DNAH11: variants seen among roughly 807,000 people sequenced by gnomAD.
DNAH11 encodes the protein axonemal beta dynein heavy chain 11.
A neutral mutation model predicts 526.0 loss-of-function variants in DNAH11; 442 were observed. The observed-to-expected ratio is 0.84, with a 90% CI of 0.78 to 0.91. DNAH11 has a LOEUF of 0.91. Ranked by LOEUF, DNAH11 falls within the 40% of genes least tolerant of loss-of-function variation. DNAH11 has a pLI of 0.00. For missense variants in DNAH11, 6,989 were observed against 5,448.7 expected, an observed-to-expected ratio of 1.28 and a Z score of -8.90; for synonymous variants, 2,461 against 1,935.9, an observed-to-expected ratio of 1.27 and a Z score of -7.12.
chr7:21,637,042 T>C (rs1786895867), intron 26 of DNAH11, among the ~76,000 whole-genome samples: 1 of 152,224 alleles, frequency 6.6e-6, no homozygotes, highest in South Asian at 2.1e-4. Flanking sequence ...AAAGGTTTTT[T>C]CTTTCTACCT....
chr7:21,704,419 T>C lies in DNAH11; in HGVS notation c.6274-15T>C. 14 of 1,599,102 alleles carry C rather than the reference T, an allele frequency of 8.8e-6. No individual in the cohort carries two copies. Among genetic ancestry groups the C allele is most frequent in the East Asian group, 4.5e-5 (2 of 44,572 alleles). The stretch of plus-strand genomic sequence containing the variant: ...ACCTTGTATTGGCTTTTTTATAAAA[T>C]GTTTTTTTTTCTAGGTACTCATGAG... On this transcript the variant is annotated splice_polypyrimidine_tract_variant and intron_variant, in intron 37 of 81. Coordinates refer to ENST00000409508, the MANE Select transcript of DNAH11 (RefSeq NM_001277115.2).
intron 25 of DNAH11, among the ~76,000 whole-genome samples, chr7:21,620,999 G>A (rs373590613): frequency 1.1e-3 from 168 of 151,962 alleles, no homozygotes; most frequent in African/African-American, 1.6e-3. Flanking sequence ...AGTCTTTGCT[G>A]TTGTGAATAG....
chr7:21,682,413 C>T (rs58623918), intron 31 of DNAH11, among the ~76,000 whole-genome samples: 6,493 of 151,250 alleles, frequency 0.043, 209 homozygotes, highest in East Asian at 0.14. Flanking sequence ...GTAGTCCCAG[C>T]TACTTGGGAG....
At chr7:21,703,264 C>A (rs1458037504) in intron 37 of DNAH11, among the ~76,000 whole-genome samples, 1 of 152,134 alleles carries the variant, frequency 6.6e-6, no homozygotes, top group African/African-American at 2.4e-5. Flanking sequence ...ATTGGTTGGT[C>A]AGAGCTACTA....
chr7:21,767,607 A>G (rs17145322), intron 55 of DNAH11, among the ~76,000 whole-genome samples: 5,993 of 152,142 alleles, frequency 0.039, 394 homozygotes, highest in African/African-American at 0.13. Flanking sequence ...TTTCTCTTGA[A>G]CTGAATTGTG....
chr7:21,859,546 T>C (rs1782977263), intron 68 of DNAH11, among the ~76,000 whole-genome samples: 2 of 152,186 alleles, frequency 1.3e-5, no homozygotes, highest in African/African-American at 4.8e-5. Context: ...TAAGACATAT[T>C]CAAGCTATAC....
intron 8 of DNAH11, among the ~76,000 whole-genome samples, chr7:21,574,008 G>C (rs1326453491): frequency 6.6e-6 from 1 of 152,152 alleles, no homozygotes; most frequent in African/African-American, 2.4e-5. Context: ...TTGCTGCCGT[G>C]GTCCATTTAC....
At chr7:21,546,168 GTC>G (rs1171788419) in intron 2 of DNAH11, among the ~76,000 whole-genome samples, 3 of 152,140 alleles carry the variant, frequency 2.0e-5, no homozygotes, top group African/African-American at 7.2e-5. Context: ...TTATTTACCA[GTC>G]TCTCATGATC....
rs759321222 is a variant in DNAH11 at position 21,561,144 on chromosome 7, A to G, written c.956A>G (p.Lys319Arg). The G allele has an allele frequency of 4.4e-6, 7 of 1,598,294 alleles. No individual in the cohort carries two copies. Among genetic ancestry groups the G allele is most frequent in the Non-Finnish European group, 6.0e-6 (7 of 1,171,856 alleles). Residue 319 changes from lysine to arginine, a missense_variant, in exon 5 of 82, where the codon AAG (lysine) becomes AGG (arginine). Lys to Arg is a conservative substitution (Grantham distance 26, BLOSUM62 2). Coordinates refer to ENST00000409508, the MANE Select transcript of DNAH11 (RefSeq NM_001277115.2). Reference protein sequence around the residue: ...TKQSSYFPTLKDIFLAVENAL... With the variant: ...TKQSSYFPTLRDIFLAVENAL... ...CAAAGCAGCTATTTTCCTACTCTGA[A>G]GGACATTTTTCTGGCTGTGGAAAAT...
chr7:21,572,424 G>C (rs1265120958), intron 8 of DNAH11, among the ~76,000 whole-genome samples: 1 of 152,084 alleles, frequency 6.6e-6, no homozygotes, highest in Non-Finnish European at 1.5e-5. Flanking sequence ...CTTGAGAGCT[G>C]ATTATAATTT....
intron 36 of DNAH11, 87 bp from the exon 37 acceptor site, chr7:21,702,623 T>C: frequency 9.2e-7 from 1 of 1,087,858 alleles, no homozygotes; most frequent in South Asian, 1.4e-5. Context: ...CTGAACTCCT[T>C]CTTAAAAACT....
chr7:21,833,049 C>G (rs1448679719), intron 65 of DNAH11, among the ~76,000 whole-genome samples: 1 of 152,186 alleles, frequency 6.6e-6, no homozygotes, highest in African/African-American at 2.4e-5. Context: ...CTAAATTAAC[C>G]TGACTTCTTA....
intron 31 of DNAH11, 165 bp downstream of exon 31, chr7:21,681,842 A>G (rs928747669): frequency 6.7e-6 from 6 of 900,246 alleles, no homozygotes; most frequent in Non-Finnish European, 1.1e-5. Flanking sequence ...TGGTTAGCCA[A>G]TATATTATTC....
chr7:21,803,992 C>A (rs550684038), intron 62 of DNAH11, among the ~76,000 whole-genome samples: 1 of 152,314 alleles, frequency 6.6e-6, no homozygotes, highest in East Asian at 1.9e-4. Flanking sequence ...ACACGACCAT[C>A]CTATTCAGAT....
chr7:21,839,955 A>T (rs1018056561), intron 65 of DNAH11, among the ~76,000 whole-genome samples: 2 of 152,240 alleles, frequency 1.3e-5, no homozygotes, highest in African/African-American at 4.8e-5. Flanking sequence ...TTAGTAATGT[A>T]AGAAAATTTT....
intron 45 of DNAH11, among the ~76,000 whole-genome samples, chr7:21,731,211 T>C (rs1399911446): frequency 6.6e-6 from 1 of 152,108 alleles, no homozygotes; most frequent in Admixed American, 6.5e-5. Flanking sequence ...GTACAATATA[T>C]ACATATTTCA....
chr7:21,565,019 A>G (rs1366468744), intron 6 of DNAH11, among the ~76,000 whole-genome samples: 1 of 152,232 alleles, frequency 6.6e-6, no homozygotes, highest in Non-Finnish European at 1.5e-5. Context: ...GAGGTAAAAG[A>G]TACTTGGATG....
intron 74 of DNAH11, among the ~76,000 whole-genome samples, chr7:21,874,275 C>G (rs1360553669): frequency 2.0e-5 from 3 of 151,906 alleles, no homozygotes; most frequent in East Asian, 3.9e-4. Context: ...ATCTATGACA[C>G]CTTATTTATA....
rs562923556 is a variant in DNAH11 at position 21,804,323 on chromosome 7, A to T, written c.10165+3048A>T. On this transcript the variant is annotated intron_variant, in intron 62 of 81. Transcript: ENST00000409508. ...ACGGGGTTTCACCGTGTTAGCCAGG[A>T]TGGTCTCGATCTCTTGACCTCGTGA... 3.3e-5 allele frequency among the ~76,000 whole-genome samples: 5 copies of T among 152,080 alleles called. No individual in the cohort carries two copies. The South Asian group carries it at 1.0e-3, about 32-fold the overall frequency.
Sources: gnomAD v4.1 joint callset for allele counts (sites outside exome capture counted in the v4.1 genomes callset) on GRCh38, gnomAD v4.1.1 for gene constraint, MANE v1.5 for transcripts, NCBI Gene and HGNC (gene_info 2026-07-23, HGNC 2026-07-21) for gene names.